The following TCF4 variants were observed in gnomAD, a reference collection of about 807,000 sequenced individuals.
TCF4 encodes the protein transcription factor 4.
TCF4 carries 3 observed loss-of-function variants against 82.1 expected under a neutral mutation model. The ratio of observed to expected loss-of-function variants is 0.04; its 90% CI spans 0.02 to 0.09. The LOEUF (loss-of-function observed/expected upper bound fraction) is 0.09. Among genes scored for constraint, TCF4 ranks in the 10% least tolerant of loss-of-function variants. The pLI is 1.00. For synonymous variants in TCF4, 276 were observed against 309.6 expected (o/e 0.89, Z 1.14); for missense variants, 518 against 852.7 (o/e 0.61, Z 4.89).
chr18:55,472,388 C>T (rs2096203492), intron 3 of TCF4, among the ~76,000 whole-genome samples: 1 of 152,144 alleles, frequency 6.6e-6, no homozygotes, highest in Non-Finnish European at 1.5e-5. Context: ...TGTCAACGAT[C>T]ATCTAACTTG....
chr18:55,536,057 G>C (rs904115164), intron 3 of TCF4, among the ~76,000 whole-genome samples: 2 of 151,960 alleles, frequency 1.3e-5, no homozygotes, highest in African/African-American at 4.8e-5. Context: ...GACTAGCCTG[G>C]ACCCAATATA....
chr18:55,580,753 TG>T (rs2147772825), intron 3 of TCF4, among the ~76,000 whole-genome samples: 1 of 141,172 alleles, frequency 7.1e-6, no homozygotes, highest in Admixed American at 7.1e-5. Context: ...TGTGTGTGTG[TG>T]TGTGTGTGTG....
At chr18:55,429,211 A>C (rs757159870) in intron 5 of TCF4, among the ~76,000 whole-genome samples, 21 of 152,206 alleles carry the variant, frequency 1.4e-4, no homozygotes, top group Non-Finnish European at 2.9e-4. Context: ...TAGTAGTTGA[A>C]TCTCTCTGGC....
chr18:55,622,913 T>C lies in TCF4; in HGVS notation c.286+8385A>G, dbSNP rs2097722945. 3.0e-5 allele frequency among the ~76,000 whole-genome samples: 3 copies of C among 100,024 alleles called. No individual in the cohort carries two copies. The South Asian group carries it at 9.3e-4, about 31-fold the overall frequency. 65.6% of individuals were successfully genotyped at this position (100,024 alleles called of 152,430 possible). ...TGTGTGTGTGTGTGTGTTGTGGAGA[T>C]GGTGGGAGTGGGGGAAATGGGAAAA... On this transcript the variant is annotated intron_variant, in intron 2 of 20. Coordinates refer to the TCF4 transcript ENST00000398339.
chr18:55,539,819 G>A (rs2097149875), intron 3 of TCF4, among the ~76,000 whole-genome samples: 1 of 152,134 alleles, frequency 6.6e-6, no homozygotes, highest in African/African-American at 2.4e-5. Flanking sequence ...TACAGCCATT[G>A]AAACAGAGCT....
At chr18:55,631,079 TCA>T (rs2097731108) in intron 2 of TCF4, among the ~76,000 whole-genome samples, 1 of 149,402 alleles carries the variant, frequency 6.7e-6, no homozygotes. Context: ...AAATAGAATC[TCA>T]CTCTGTCACC....
chr18:55,275,778 C>T (rs1480024580), intron 9 of TCF4, 26 bp from the exon 10 acceptor site: 2 of 1,613,486 alleles, frequency 1.2e-6, no homozygotes, highest in African/African-American at 2.7e-5. Flanking sequence ...ACAACCATGA[C>T]TTTCTGAGGC....
chr18:55,373,881 TA>T (rs945074740), intron 6 of TCF4, among the ~76,000 whole-genome samples: 2 of 151,844 alleles, frequency 1.3e-5, no homozygotes, highest in South Asian at 2.1e-4. Context: ...ATGAAATGCT[TA>T]AAAAAAACTA....
At chr18:55,234,473 C>T (rs2048789629) in intron 16 of TCF4, 75 bp downstream of exon 16, 1 of 1,597,868 alleles carries the variant, frequency 6.3e-7, no homozygotes, top group African/African-American at 1.3e-5. Context: ...GAGGGATGAA[C>T]ACCAAGAGGC....
At position 55,226,353 on chromosome 18, in the gene TCF4, A is replaced by G. The variant is rs973097416; in HGVS notation, c.*1682T>C. 2.6e-5 allele frequency: 4 copies of G among 152,486 alleles called. No homozygotes were observed. Among genetic ancestry groups the G allele is most frequent in the Non-Finnish European group, 4.4e-5 (3 of 68,006 alleles). 9.4% of individuals were successfully genotyped at this position (152,486 alleles called of 1,614,324 possible). A position where few individuals can be genotyped will look rare whatever the true frequency, so the allele number is the denominator to read the frequency against. ...AGTTAGAGACAAAAGGATGCTGACA[A>G]ATACTTAACTAGGAGCACTATTTGT... On this transcript the variant is annotated 3_prime_UTR_variant, in exon 20 of 20. Coordinates refer to ENST00000354452, the MANE Select transcript of TCF4 (RefSeq NM_001083962.2).
intron 3 of TCF4, among the ~76,000 whole-genome samples, chr18:55,529,710 C>A (rs1286584059): frequency 6.6e-6 from 1 of 152,142 alleles, no homozygotes; most frequent in Non-Finnish European, 1.5e-5. Flanking sequence ...ACTGGCAACT[C>A]CGCGATGGCT....
At chr18:55,365,249 GTA>G (rs375008306) in intron 6 of TCF4, among the ~76,000 whole-genome samples, 5,205 of 127,182 alleles carry the variant, frequency 0.041, 209 homozygotes, top group African/African-American at 0.099. Flanking sequence ...ATATGTGTGT[GTA>G]TATATATATA....
intron 6 of TCF4, among the ~76,000 whole-genome samples, chr18:55,387,295 G>A (rs1487066596): frequency 6.6e-6 from 1 of 152,244 alleles, no homozygotes; most frequent in African/African-American, 2.4e-5. Flanking sequence ...CTGGCTCAGA[G>A]TTTGGGTCTA....
chr18:55,299,443 T>A (rs1043562237), intron 8 of TCF4, among the ~76,000 whole-genome samples: 3 of 149,592 alleles, frequency 2.0e-5, no homozygotes, highest in Non-Finnish European at 3.0e-5. Context: ...TGGGGGAGCA[T>A]GTTTCTGCTT....
chr18:55,594,482 AAATG>A (rs1346119120), intron 2 of TCF4, among the ~76,000 whole-genome samples: 10 of 152,352 alleles, frequency 6.6e-5, no homozygotes, highest in African/African-American at 1.7e-4. Context: ...TATGTTAAAT[AAATG>A]AATGAAGAAT....
At chr18:55,389,226 T>C (rs1235159068) in intron 6 of TCF4, among the ~76,000 whole-genome samples, 3 of 152,232 alleles carry the variant, frequency 2.0e-5, no homozygotes, top group Non-Finnish European at 4.4e-5. Flanking sequence ...GTAAGTTACA[T>C]GCTCACATAC....
chr18:55,420,622 T>C (rs1477879828), intron 5 of TCF4, among the ~76,000 whole-genome samples: 2 of 152,110 alleles, frequency 1.3e-5, no homozygotes, highest in Non-Finnish European at 2.9e-5. Context: ...TATACATCTG[T>C]GAATTTGGTG....
intron 3 of TCF4, among the ~76,000 whole-genome samples, chr18:55,470,920 G>A (rs557426279): frequency 6.6e-6 from 1 of 152,036 alleles, no homozygotes; most frequent in Non-Finnish European, 1.5e-5. Flanking sequence ...CCTTCTTCCT[G>A]CAACAACAGA....
upstream of TCF4, chr18:55,588,253 G>A: frequency 7.0e-7 from 1 of 1,422,668 alleles, no homozygotes; most frequent in Non-Finnish European, 9.2e-7. Flanking sequence ...GAGGGGAGGG[G>A]ACGGAGGGAA....
Sources: allele counts gnomAD v4.1 joint callset (sites outside exome capture counted in the v4.1 genomes callset), GRCh38; gene constraint gnomAD v4.1.1; transcripts MANE v1.5; gene names NCBI Gene and HGNC (gene_info 2026-07-23, HGNC 2026-07-21).